RBFOX1: variants seen among roughly 807,000 people sequenced by gnomAD.
RBFOX1 encodes RNA binding fox-1 homolog 1.
A neutral mutation model predicts 57.7 loss-of-function variants in RBFOX1; 8 were observed. That is an observed-to-expected ratio of 0.14 (90% CI 0.08 to 0.25). The LOEUF (loss-of-function observed/expected upper bound fraction) is 0.25, where lower values mean the gene tolerates loss of function less well. Among genes scored for constraint, RBFOX1 ranks in the 10% least tolerant of loss-of-function variants. The pLI is 1.00. For missense variants in RBFOX1, 611 were observed against 548.5 expected, an observed-to-expected ratio of 1.11 and a Z score of -1.14; for synonymous variants, 326 against 222.4, an observed-to-expected ratio of 1.47 and a Z score of -4.15.
chr16:6,246,177 A>G (rs1011284057), intron 1 of RBFOX1, among the ~76,000 whole-genome samples: 1 of 152,196 alleles, frequency 6.6e-6, no homozygotes, highest in Non-Finnish European at 1.5e-5. Context: ...ACAGAATCAA[A>G]TGCATGACTC....
intron 4 of RBFOX1, among the ~76,000 whole-genome samples, chr16:7,451,257 G>C (rs1567232141): frequency 1.3e-5 from 2 of 152,214 alleles, no homozygotes; most frequent in African/African-American, 2.4e-5. Flanking sequence ...AGTTCTATGA[G>C]CTTTTGCTAT....
At chr16:6,340,681 G>T (rs1022375522) in intron 2 of RBFOX1, among the ~76,000 whole-genome samples, 1 of 152,066 alleles carries the variant, frequency 6.6e-6, no homozygotes, top group African/African-American at 2.4e-5. Flanking sequence ...GTGGATCTTG[G>T]CTTCTTTACT....
chr16:7,547,598 C>G (rs1320970830), intron 5 of RBFOX1, among the ~76,000 whole-genome samples: 1 of 152,156 alleles, frequency 6.6e-6, no homozygotes, highest in Non-Finnish European at 1.5e-5. Context: ...ACACTGCTGG[C>G]AGTGTTAGAA....
chr16:6,216,951 C>A (rs1423168416), intron 1 of RBFOX1, among the ~76,000 whole-genome samples: 2 of 151,678 alleles, frequency 1.3e-5, no homozygotes. Flanking sequence ...TTCTTCTGAT[C>A]GTTCACCTTT....
chr16:5,427,172 C>A (rs370264332), intron 1 of RBFOX1, among the ~76,000 whole-genome samples: 5 of 152,218 alleles, frequency 3.3e-5, no homozygotes, highest in African/African-American at 1.2e-4. Flanking sequence ...CTTGAGTGGG[C>A]TCACCAGAGA....
At chr16:5,607,198 C>T (rs541074278) in intron 3 of RBFOX1, among the ~76,000 whole-genome samples, 2 of 152,110 alleles carry the variant, frequency 1.3e-5, no homozygotes, top group African/African-American at 2.4e-5. Context: ...AGCGTCTGCT[C>T]GGCAGAAAAC....
chr16:5,870,080 A>G (rs1180835065), intron 4 of RBFOX1, among the ~76,000 whole-genome samples: 1 of 150,776 alleles, frequency 6.6e-6, no homozygotes, highest in Admixed American at 6.6e-5. Context: ...AAAAGAATGT[A>G]CCCTCCATGA....
At chr16:6,924,246 G>C (rs879712295) in intron 3 of RBFOX1, among the ~76,000 whole-genome samples, 2 of 151,994 alleles carry the variant, frequency 1.3e-5, no homozygotes, top group Admixed American at 1.3e-4. Flanking sequence ...AGGTTTATTT[G>C]ACTCACAGTT....
chr16:6,067,826 T>C (rs1041617395), intron 1 of RBFOX1, among the ~76,000 whole-genome samples: 2 of 152,230 alleles, frequency 1.3e-5, no homozygotes, highest in Non-Finnish European at 2.9e-5. Context: ...TGTTTAATTA[T>C]ACCAGCCCAC....
chr16:7,683,576 C>A (rs184539584), intron 14 of RBFOX1, among the ~76,000 whole-genome samples: 1 of 151,892 alleles, frequency 6.6e-6, no homozygotes, highest in African/African-American at 2.4e-5. Context: ...GTCACAGCCA[C>A]GTGGGTAGAC....
chr16:7,554,921 A>G (rs143369573), intron 5 of RBFOX1, among the ~76,000 whole-genome samples: 9 of 152,334 alleles, frequency 5.9e-5, no homozygotes, highest in Admixed American at 2.6e-4. Context: ...TGTTGGGACA[A>G]TTAGCATTCG....
At chr16:7,282,429 A>G (rs924468598) in intron 4 of RBFOX1, among the ~76,000 whole-genome samples, 2 of 152,186 alleles carry the variant, frequency 1.3e-5, no homozygotes, top group Non-Finnish European at 2.9e-5. Flanking sequence ...AAGATATTTC[A>G]CAAAACTCAG....
chr16:7,603,169 C>T (rs2095128752), intron 9 of RBFOX1, among the ~76,000 whole-genome samples: 1 of 152,108 alleles, frequency 6.6e-6, no homozygotes, highest in South Asian at 2.1e-4. Flanking sequence ...TAACACGATT[C>T]TTCTTTATTT....
chr16:7,429,198 C>G (rs905310216), intron 4 of RBFOX1, among the ~76,000 whole-genome samples: 1 of 152,178 alleles, frequency 6.6e-6, no homozygotes, highest in African/African-American at 2.4e-5. Context: ...GAGGGGACAT[C>G]TACTGGACAG....
intron 3 of RBFOX1, among the ~76,000 whole-genome samples, chr16:6,836,365 C>G (rs60502649): frequency 0.2 from 30,228 of 152,200 alleles, 3,858 homozygotes; most frequent in East Asian, 0.6. Context: ...CTGAAACACA[C>G]AGCAACAGAA....
intron 3 of RBFOX1, among the ~76,000 whole-genome samples, chr16:6,709,849 C>A (rs1029244724): frequency 2.0e-5 from 3 of 152,082 alleles, no homozygotes; most frequent in Non-Finnish European, 4.4e-5. Flanking sequence ...TGGTACACAA[C>A]CGGAAGGTAT....
chr16:7,480,867 C>T (rs1327795775), intron 4 of RBFOX1, among the ~76,000 whole-genome samples: 2 of 152,206 alleles, frequency 1.3e-5, no homozygotes, highest in Non-Finnish European at 2.9e-5. Context: ...AAGTTGTCCT[C>T]CTGGGGCTGC....
At chr16:5,269,769 A>G (rs1336882416) in intron 1 of RBFOX1, among the ~76,000 whole-genome samples, 1 of 152,204 alleles carries the variant, frequency 6.6e-6, no homozygotes, top group Non-Finnish European at 1.5e-5. Flanking sequence ...GTTTGTGTAT[A>G]TCTCTGAATA....
intron 2 of RBFOX1, among the ~76,000 whole-genome samples, chr16:6,581,728 G>C (rs1487560830): frequency 6.6e-6 from 1 of 152,220 alleles, no homozygotes; most frequent in Non-Finnish European, 1.5e-5. Flanking sequence ...TCACAGCTGT[G>C]TTTATGGAGG....
Sources: allele counts gnomAD v4.1 joint callset (sites outside exome capture counted in the v4.1 genomes callset), GRCh38; gene constraint gnomAD v4.1.1; transcripts MANE v1.5; gene names NCBI Gene and HGNC (gene_info 2026-07-23, HGNC 2026-07-21).